Variants in ENTPD6 observed in about 807,000 individuals in gnomAD.
ENTPD6 encodes the protein ectonucleoside triphosphate diphosphohydrolase 6, also known as CD39 antigen-like 2.
A neutral mutation model predicts 61.5 loss-of-function variants in ENTPD6; 46 were observed. That is an observed-to-expected ratio of 0.75 (90% CI 0.59 to 0.96). The LOEUF is 0.96. Ranked by LOEUF, ENTPD6 falls within the 40% of genes least tolerant of loss-of-function variation. The pLI is 0.00. For missense variants in ENTPD6, 612 were observed against 629.0 expected (o/e 0.97, Z 0.29); for synonymous variants, 252 against 255.5 (o/e 0.99, Z 0.13).
At chr20:25,205,938 C>T (rs992184876) in intron 1 of ENTPD6, among the ~76,000 whole-genome samples, 9 of 152,262 alleles carry the variant, frequency 5.9e-5, no homozygotes, top group Admixed American at 3.9e-4. Context: ...CAGGTCGCTG[C>T]GGGCTTGCTC....
intron 14 of ENTPD6, 63 bp from the exon 15 acceptor site, chr20:25,225,436 C>A: frequency 6.3e-7 from 1 of 1,582,434 alleles, no homozygotes; most frequent in Middle Eastern, 1.7e-4. Flanking sequence ...GAGCCACAGC[C>A]TCCTGATGCA....
chr20:25,211,541 C>G (rs1415314162), intron 4 of ENTPD6, among the ~76,000 whole-genome samples: 1 of 152,206 alleles, frequency 6.6e-6, no homozygotes, highest in Non-Finnish European at 1.5e-5. Flanking sequence ...ATTTTTACTT[C>G]ACACCCACGG....
In ENTPD6 at chr20:25,213,317, G is replaced by C. The variant is rs201669725; in HGVS notation, c.508G>C (p.Asp170His). 1.1e-5 allele frequency: 17 copies of C among 1,614,238 alleles called. No individual in the cohort carries two copies. Among genetic ancestry groups the C allele is most frequent in the Non-Finnish European group, 1.3e-5 (15 of 1,180,046 alleles). Residue 170 changes from aspartate (D) to histidine (H), a missense_variant, in exon 5 of 15, where the codon GAC becomes CAC. Asp to His is a moderately conservative substitution (Grantham distance 81). Transcript: ENST00000376652. ...LDVAKQDIPFDFWKATPLVLK... is the reference protein window; with the variant it reads ...LDVAKQDIPFHFWKATPLVLK... ...TGTTGCTAAACAGGACATTCCGTTCGACTTCTGGAAGGCCACCCCTCTGGT... is the reference window on the plus strand; with the variant it reads ...TGTTGCTAAACAGGACATTCCGTTCCACTTCTGGAAGGCCACCCCTCTGGT...
At chr20:25,197,944 G>T (rs1248233782) in intron 1 of ENTPD6, among the ~76,000 whole-genome samples, 2 of 152,196 alleles carry the variant, frequency 1.3e-5, no homozygotes, top group Non-Finnish European at 2.9e-5. Context: ...ACCACACACT[G>T]ACTGCAATCT....
chr20:25,218,696 G>C, intron 10 of ENTPD6, 82 bp downstream of exon 10: 1 of 1,396,438 alleles, frequency 7.2e-7, no homozygotes, highest in East Asian at 2.5e-5. Flanking sequence ...CCTCGGGAGG[G>C]CACCAGCTTG....
At chr20:25,201,163 G>A (rs1439490392) in intron 1 of ENTPD6, among the ~76,000 whole-genome samples, 1 of 152,164 alleles carries the variant, frequency 6.6e-6, no homozygotes. Context: ...ACCCCATTGT[G>A]ACTGGAAAAG....
chr20:25,217,699 T>C, intron 9 of ENTPD6, 118 bp downstream of exon 9: 1 of 865,694 alleles, frequency 1.2e-6, no homozygotes, highest in Admixed American at 2.0e-5. Flanking sequence ...GTGCTGGGAA[T>C]CCACCCAGAC....
Position 25,225,891 on chromosome 20 carries a change from C to G in ENTPD6, c.*294C>G. The G allele has an allele frequency of 3.1e-6, 1 of 322,654 alleles. No individual in the cohort carries two copies. Among genetic ancestry groups the G allele is most frequent in the Non-Finnish European group, 5.7e-6 (1 of 175,414 alleles). The allele number at this position is 322,654 out of a possible 1,614,324, so 20.0% of individuals were successfully genotyped here. A position where few individuals can be genotyped will look rare whatever the true frequency, so the allele number is the denominator to read the frequency against. ...GGCACACACTGAGGGGGCAGTGTGG[C>G]TCCCTGCCTGTCCCATCCCCATGCC... On this transcript the variant is annotated 3_prime_UTR_variant, in exon 15 of 15. Transcript: ENST00000376652.
intron 1 of ENTPD6, among the ~76,000 whole-genome samples, chr20:25,196,875 G>A (rs1263449861): frequency 2.6e-5 from 4 of 152,110 alleles, no homozygotes; most frequent in South Asian, 2.1e-4. Flanking sequence ...TGGCTAGTGT[G>A]TGTGTCGTCT....
chr20:25,218,977 G>A (rs2092500200), intron 10 of ENTPD6, among the ~76,000 whole-genome samples: 2 of 152,262 alleles, frequency 1.3e-5, no homozygotes, highest in Non-Finnish European at 2.9e-5. Flanking sequence ...TGCCTGCCGG[G>A]TTCCAGCAAT....
chr20:25,223,033 TGGA>T, intron 12 of ENTPD6, 55 bp downstream of exon 12: 20 of 632,676 alleles, frequency 3.2e-5, no homozygotes, highest in Non-Finnish European at 3.4e-5. Context: ...GGGGCGGGGG[TGGA>T]GGGCGTGTGC....
Position 25,209,923 on chromosome 20 carries a change from A to G in ENTPD6, c.451A>G (p.Lys151Glu). The G allele has an allele frequency of 6.2e-7, 1 of 1,613,592 alleles. No individual in the cohort carries two copies. The highest frequency in any genetic ancestry group is 1.1e-5 in the South Asian group (1 of 91,066). ...TTCTGCCTATGCTGATGATGTTGAAAAGGTAAGGATCCTCTCCCGTGTCTC... is the reference window on the plus strand; with the variant it reads ...TTCTGCCTATGCTGATGATGTTGAAGAGGTAAGGATCCTCTCCCGTGTCTC... ...GLSAYADDVE[K>E]SAQGIRELLD... Residue 151 changes from lysine (K) to glutamate (E), a missense_variant and splice_region_variant, in exon 4 of 15, where the codon AAG (lysine) becomes GAG (glutamate). Coordinates refer to ENST00000376652, the MANE Select transcript of ENTPD6 (RefSeq NM_001247.5).
At chr20:25,213,509 A>G in intron 5 of ENTPD6, 103 bp downstream of exon 5, 1 of 1,263,294 alleles carries the variant, frequency 7.9e-7, no homozygotes, top group East Asian at 2.5e-5. Context: ...GGCAGGACAC[A>G]GATGCTTCTG....
chr20:25,203,091 TG>T (rs2122573306), intron 1 of ENTPD6, among the ~76,000 whole-genome samples: 1 of 152,344 alleles, frequency 6.6e-6, no homozygotes, highest in East Asian at 1.9e-4. Flanking sequence ...TTTAGCAGTT[TG>T]GGGGTATCTT....
At chr20:25,206,766 A>G (rs1353146964) in intron 2 of ENTPD6, among the ~76,000 whole-genome samples, 176 bp downstream of exon 2, 1 of 152,202 alleles carries the variant, frequency 6.6e-6, no homozygotes, top group Non-Finnish European at 1.5e-5. Context: ...ATAAATCGCC[A>G]TGTGTCCCAA....
Position 25,213,287 on chromosome 20 carries a change from C to G in ENTPD6, c.478C>G (p.Leu160Val), listed in dbSNP as rs2092102014. ...EKSAQGIREL[L>V]DVAKQDIPFD... Reference sequence around the variant, plus strand: ...GAGCGCTCAGGGAATCCGGGAACTACTGGATGTTGCTAAACAGGACATTCC... The same window carrying G: ...GAGCGCTCAGGGAATCCGGGAACTAGTGGATGTTGCTAAACAGGACATTCC... Residue 160 changes from leucine to valine, a missense_variant, in exon 5 of 15, where the codon CTG becomes GTG. Physicochemically the swap from Leu to Val is conservative, Grantham distance 32. Coordinates refer to ENST00000376652, the MANE Select transcript of ENTPD6 (RefSeq NM_001247.5). The G allele has an allele frequency of 1.2e-6, 2 of 1,614,142 alleles. No individual in the cohort carries two copies. The highest frequency in any genetic ancestry group is 1.7e-6 in the Non-Finnish European group (2 of 1,180,054).
At chr20:25,207,036 C>T (rs1368150979) in intron 2 of ENTPD6, 40 bp from the exon 3 acceptor site, 3 of 1,557,298 alleles carry the variant, frequency 1.9e-6, no homozygotes, top group East Asian at 2.3e-5. Flanking sequence ...GATCCTAGCA[C>T]CCTAACGTGC....
At chr20:25,197,063 G>A in intron 1 of ENTPD6, 2 of 985,280 alleles carry the variant, frequency 2.0e-6, no homozygotes, top group African/African-American at 3.5e-5. Context: ...CCCACCAGGA[G>A]GATGAGTGGA....
chr20:25,197,583 G>A (rs190134701), intron 1 of ENTPD6, among the ~76,000 whole-genome samples: 6 of 152,348 alleles, frequency 3.9e-5, no homozygotes, highest in Admixed American at 6.5e-5. Flanking sequence ...TCTCCGGCAG[G>A]TGTCTCAGCC....
Sources: allele counts gnomAD v4.1 joint callset (sites outside exome capture counted in the v4.1 genomes callset), GRCh38; gene constraint gnomAD v4.1.1; transcripts MANE v1.5; gene names NCBI Gene and HGNC (gene_info 2026-07-23, HGNC 2026-07-21).